The following SRPK2 variants were observed in gnomAD, a reference collection of about 807,000 sequenced individuals.
SRPK2 encodes SFRS protein kinase 2.
Under a neutral mutation model 90.8 loss-of-function variants are expected in SRPK2, and 21 were observed. The observed-to-expected ratio is 0.23, with a 90% CI of 0.16 to 0.33. The LOEUF (loss-of-function observed/expected upper bound fraction) is 0.33. SRPK2 is among the 10% of genes least tolerant of loss of function. SRPK2 has a pLI of 1.00. For synonymous variants in SRPK2, 288 were observed against 311.1 expected, an observed-to-expected ratio of 0.93 and a Z score of 0.78; for missense variants, 620 against 869.0, an observed-to-expected ratio of 0.71 and a Z score of 3.60.
chr7:105,143,361 T>C, intron 9 of SRPK2, 31 bp from the exon 10 acceptor site: 1 of 1,594,640 alleles, frequency 6.3e-7, no homozygotes. Flanking sequence ...AGGTCAGTAT[T>C]CTTCTTTTTA....
At chr7:105,355,667 A>G (rs1585858937) in intron 2 of SRPK2, among the ~76,000 whole-genome samples, 1 of 152,112 alleles carries the variant, frequency 6.6e-6, no homozygotes, top group Non-Finnish European at 1.5e-5. Flanking sequence ...AAAGTGATAG[A>G]AAATCCAAAT....
intron 2 of SRPK2, among the ~76,000 whole-genome samples, chr7:105,281,264 T>C (rs532397264): frequency 1.3e-5 from 2 of 151,806 alleles, no homozygotes; most frequent in African/African-American, 4.8e-5. Context: ...GCCCAGCTAA[T>C]TTTTGTATTT....
chr7:105,210,048 C>T (rs1796669049), intron 2 of SRPK2, among the ~76,000 whole-genome samples: 1 of 152,168 alleles, frequency 6.6e-6, no homozygotes, highest in African/African-American at 2.4e-5. Context: ...ACCGAGGAAA[C>T]TACAAGTCTC....
chr7:105,355,333 GA>G (rs113908560), intron 2 of SRPK2, among the ~76,000 whole-genome samples: 39 of 147,396 alleles, frequency 2.6e-4, no homozygotes, highest in Middle Eastern at 3.6e-3. Flanking sequence ...TCATCTCTAC[GA>G]AAAAAAAAAA....
At chr7:105,375,983 CTTTT>C (rs34445430) in intron 2 of SRPK2, among the ~76,000 whole-genome samples, 1 of 63,144 alleles carries the variant, frequency 1.6e-5, no homozygotes, top group Non-Finnish European at 2.8e-5. Context: ...GAATTCATTT[CTTTT>C]TTTTTTTTTT....
intron 2 of SRPK2, among the ~76,000 whole-genome samples, chr7:105,270,983 C>T (rs760136993): frequency 1.1e-4 from 17 of 152,086 alleles, no homozygotes; most frequent in Non-Finnish European, 1.8e-4. Flanking sequence ...TTAAATCCAC[C>T]TTCTCCTTCT....
At chr7:105,220,253 C>A (rs1337049037) in intron 2 of SRPK2, among the ~76,000 whole-genome samples, 3 of 152,120 alleles carry the variant, frequency 2.0e-5, no homozygotes, top group East Asian at 3.8e-4. Flanking sequence ...AACAGTCTAG[C>A]TTGTGCCGGG....
intron 2 of SRPK2, among the ~76,000 whole-genome samples, chr7:105,277,879 G>A (rs1420895095): frequency 1.3e-5 from 2 of 152,146 alleles, no homozygotes; most frequent in African/African-American, 4.8e-5. Flanking sequence ...TGAAAAAAGT[G>A]ACAAAGTTGA....
At chr7:105,164,340 C>T (rs886729146) in intron 6 of SRPK2, among the ~76,000 whole-genome samples, 4 of 152,196 alleles carry the variant, frequency 2.6e-5, no homozygotes, top group African/African-American at 9.7e-5. Flanking sequence ...CCTTCTCCAC[C>T]ATGTAAATGT....
rs1185505468 is a variant in SRPK2 at position 105,118,111 on chromosome 7, G to GACAACC, written c.1916-95_1916-90dup. 7 of 1,344,306 alleles carry GACAACC rather than the reference G, an allele frequency of 5.2e-6. No homozygotes were observed. In the African/African-American group the frequency reaches 1.0e-4, roughly 20 times the overall value. 83.3% of individuals were successfully genotyped at this position (1,344,306 alleles called of 1,614,324 possible). On this transcript the variant is annotated intron_variant, in intron 15 of 15. Coordinates refer to ENST00000393651, the MANE Select transcript of SRPK2 (RefSeq NM_182692.3). ...CAGTCAGGTTCTTTTCAGTGAAGCGGACAACCACCTGCTCAACACTTGTAC... is the reference window on the plus strand; with the variant it reads ...CAGTCAGGTTCTTTTCAGTGAAGCGGACAACCACAACCACCTGCTCAACACTTGTAC...
At chr7:105,168,305 A>T (rs1790349701) in intron 4 of SRPK2, among the ~76,000 whole-genome samples, 1 of 152,226 alleles carries the variant, frequency 6.6e-6, no homozygotes, top group African/African-American at 2.4e-5. Context: ...CATGTTGCAC[A>T]AGATTATTTA....
Position 105,388,808 on chromosome 7 carries a change from C to A in SRPK2, c.-2G>T. On this transcript the variant is annotated 5_prime_UTR_variant, in exon 1 of 16. Transcript: ENST00000393651. ...CCACTCACCTTTCCGGGAGCTCATT[C>A]CGACGCGGCGGAAGCGGGGCGGGGG... is the stretch of plus-strand genomic sequence containing the variant. The A allele has an allele frequency of 1.4e-6, 2 of 1,438,320 alleles. No homozygotes were observed. The highest frequency in any genetic ancestry group is 1.8e-6 in the Non-Finnish European group (2 of 1,093,132). The allele number at this position is 1,438,320 out of a possible 1,614,324, so 89.1% of individuals were successfully genotyped here.
intron 7 of SRPK2, among the ~76,000 whole-genome samples, chr7:105,151,342 G>A (rs1805613704): frequency 3.3e-5 from 5 of 152,108 alleles, no homozygotes; most frequent in African/African-American, 1.2e-4. Context: ...TAAGCTGTTT[G>A]AGCTTTCATT....
chr7:105,384,912 T>A (rs1420998189), intron 2 of SRPK2, among the ~76,000 whole-genome samples: 3 of 151,870 alleles, frequency 2.0e-5, no homozygotes, highest in South Asian at 4.2e-4. Context: ...AGTCTGGCTC[T>A]GTCGCCCAGG....
At chr7:105,398,487 G>A (rs1266968247) in intron 1 of SRPK2, among the ~76,000 whole-genome samples, 1 of 151,184 alleles carries the variant, frequency 6.6e-6, no homozygotes, top group Non-Finnish European at 1.5e-5. Flanking sequence ...AGGTTCAAGC[G>A]ATTCTCCTGC....
At chr7:105,254,627 C>A (rs1437722648) in intron 2 of SRPK2, among the ~76,000 whole-genome samples, 1 of 151,456 alleles carries the variant, frequency 6.6e-6, no homozygotes, top group Non-Finnish European at 1.5e-5. Flanking sequence ...CTGGATTGTA[C>A]GGTTGGTGAT....
chr7:105,383,612 G>C (rs939788642), intron 2 of SRPK2, among the ~76,000 whole-genome samples: 1 of 150,890 alleles, frequency 6.6e-6, no homozygotes, highest in African/African-American at 2.4e-5. Context: ...TAGAGACGGG[G>C]TTTCACCCTA....
chr7:105,366,367 CTTTT>C (rs34409221), intron 2 of SRPK2, among the ~76,000 whole-genome samples: 3 of 139,352 alleles, frequency 2.2e-5, no homozygotes, highest in African/African-American at 8.0e-5. Flanking sequence ...ACAGGTATGC[CTTTT>C]TTTTTTTTTT....
chr7:105,376,834 G>GCCC (rs1163578963), intron 2 of SRPK2, among the ~76,000 whole-genome samples: 1 of 32,434 alleles, frequency 3.1e-5, no homozygotes, highest in Non-Finnish European at 6.3e-5. Flanking sequence ...CACCACGCCC[G>GCCC]CCCCCCCACC....
Sources: gnomAD v4.1 joint callset for allele counts (sites outside exome capture counted in the v4.1 genomes callset) on GRCh38, gnomAD v4.1.1 for gene constraint, MANE v1.5 for transcripts, NCBI Gene and HGNC (gene_info 2026-07-23, HGNC 2026-07-21) for gene names.